Variants in ARL15 observed in about 807,000 individuals in gnomAD.
The protein encoded by ARL15 is ARF like GTPase 15, also known as ADP-ribosylation factor-like protein 15.
ARL15 carries 19 observed loss-of-function variants against 25.2 expected under a neutral mutation model. The observed-to-expected ratio is 0.75, with a 90% CI of 0.53 to 1.10. The LOEUF (loss-of-function observed/expected upper bound fraction) is 1.10. Ranked by LOEUF, ARL15 falls within the 50% of genes least tolerant of loss-of-function variation. The probability of loss-of-function intolerance (pLI) is 0.00; values close to 1 mark genes in which losing one functional copy is unlikely to be tolerated. For missense variants in ARL15, 220 were observed against 246.0 expected, an observed-to-expected ratio of 0.89 and a Z score of 0.71; for synonymous variants, 94 against 86.8, an observed-to-expected ratio of 1.08 and a Z score of -0.46.
chr5:54,257,850 T>G (rs1301512856), intron 1 of ARL15, among the ~76,000 whole-genome samples: 1 of 152,144 alleles, frequency 6.6e-6, no homozygotes, highest in Non-Finnish European at 1.5e-5. Flanking sequence ...TCTGCTTTCC[T>G]GTTGGTTTTT....
At chr5:54,261,782 G>GT (rs763412409) in intron 1 of ARL15, among the ~76,000 whole-genome samples, 23 of 152,074 alleles carry the variant, frequency 1.5e-4, no homozygotes, top group Non-Finnish European at 3.1e-4. Flanking sequence ...TGACCACACC[G>GT]TTTTTTCGGG....
chr5:54,013,531 A>G (rs189468424), intron 4 of ARL15, among the ~76,000 whole-genome samples: 2 of 152,342 alleles, frequency 1.3e-5, no homozygotes, highest in Admixed American at 6.5e-5. Context: ...CAAGATTAGA[A>G]TTATGGGAAG....
At chr5:54,019,533 C>T (rs769372521) in intron 4 of ARL15, among the ~76,000 whole-genome samples, 29 of 152,094 alleles carry the variant, frequency 1.9e-4, no homozygotes, top group Non-Finnish European at 3.5e-4. Flanking sequence ...TCATATTGAA[C>T]GACAGTTAAG....
chr5:54,124,136 G>A (rs1364181673), intron 3 of ARL15, among the ~76,000 whole-genome samples: 2 of 152,134 alleles, frequency 1.3e-5, no homozygotes, highest in Non-Finnish European at 1.5e-5. Flanking sequence ...CAGAGAATAG[G>A]CTACATGAGA....
intron 4 of ARL15, among the ~76,000 whole-genome samples, chr5:53,907,486 ATATTTTTTTTT>A (rs1263122321): frequency 1.7e-3 from 38 of 22,430 alleles, no homozygotes; most frequent in African/African-American, 8.0e-3. Flanking sequence ...ATATATATAT[ATATTTTTTTTT>A]TTTTTTTTTT....
At chr5:53,949,285 A>G (rs1034683039) in intron 4 of ARL15, among the ~76,000 whole-genome samples, 1 of 152,194 alleles carries the variant, frequency 6.6e-6, no homozygotes, top group East Asian at 1.9e-4. Flanking sequence ...CAATAGCTAG[A>G]GTATTCACAA....
chr5:54,036,404 A>C (rs1320414353), intron 4 of ARL15, among the ~76,000 whole-genome samples: 1 of 152,176 alleles, frequency 6.6e-6, no homozygotes, highest in Non-Finnish European at 1.5e-5. Flanking sequence ...AATCAGATTT[A>C]AAAGATATAG....
intron 4 of ARL15, among the ~76,000 whole-genome samples, chr5:53,936,037 C>T (rs554366204): frequency 7.2e-5 from 11 of 151,990 alleles, no homozygotes; most frequent in African/African-American, 2.2e-4. Flanking sequence ...GCGTGGCCAT[C>T]GTGCCCGGCC....
At chr5:54,192,264 TAA>T (rs572335482) in intron 1 of ARL15, among the ~76,000 whole-genome samples, 3 of 142,000 alleles carry the variant, frequency 2.1e-5, no homozygotes, top group Admixed American at 7.1e-5. Context: ...AAAGTATAAG[TAA>T]AAAAAAAAAA....
At position 54,306,466 on chromosome 5, in the gene ARL15, C is replaced by T. The variant is rs558006250; in HGVS notation, c.48+3966G>A. Among the ~76,000 whole-genome samples, 6 of 149,222 alleles carry T rather than the reference C, an allele frequency of 4.0e-5. No individual in the cohort carries two copies. The East Asian group carries it at 1.2e-3, about 30-fold the overall frequency. On this transcript the variant is annotated intron_variant, in intron 1 of 4. Transcript: ENST00000504924. ...GCTGGAGTGCAGTTGTGCGATCTCA[C>T]TGCAACCTCTGCCTCCTGGGTTCAA...
At chr5:53,923,728 G>C (rs1745927256) in intron 4 of ARL15, among the ~76,000 whole-genome samples, 1 of 152,100 alleles carries the variant, frequency 6.6e-6, no homozygotes, top group South Asian at 2.1e-4. Flanking sequence ...AGCCAGGCGT[G>C]GTGGCGGGCG....
intron 1 of ARL15, among the ~76,000 whole-genome samples, chr5:54,235,410 G>T (rs1200711595): frequency 6.6e-6 from 1 of 151,966 alleles, no homozygotes; most frequent in Non-Finnish European, 1.5e-5. Flanking sequence ...ATAACGGGTG[G>T]CATGATCTAA....
intron 4 of ARL15, among the ~76,000 whole-genome samples, chr5:54,069,018 T>C (rs140534654): frequency 1.4e-4 from 22 of 152,358 alleles, no homozygotes; most frequent in African/African-American, 4.3e-4. Flanking sequence ...CAAAATGTTA[T>C]ATTAACATAT....
At chr5:53,888,269 ATTTATTTT>A (rs896819836) in intron 4 of ARL15, among the ~76,000 whole-genome samples, 70 of 149,498 alleles carry the variant, frequency 4.7e-4, no homozygotes, top group African/African-American at 1.4e-3. Context: ...TGTTTTATTT[ATTTATTTT>A]TTTATTTTTA....
chr5:54,255,045 T>C (rs535023986), intron 1 of ARL15, among the ~76,000 whole-genome samples: 4 of 152,204 alleles, frequency 2.6e-5, no homozygotes, highest in African/African-American at 7.2e-5. Flanking sequence ...GCACAGAGTA[T>C]AGCTAACCAC....
chr5:53,966,020 A>C (rs1747549336), intron 4 of ARL15, among the ~76,000 whole-genome samples: 1 of 152,192 alleles, frequency 6.6e-6, no homozygotes, highest in Non-Finnish European at 1.5e-5. Flanking sequence ...CAATTTCTAA[A>C]ATCCTTGGAA....
At chr5:54,091,238 T>C (rs1357273934) in intron 4 of ARL15, among the ~76,000 whole-genome samples, 1 of 152,158 alleles carries the variant, frequency 6.6e-6, no homozygotes. Context: ...GCAATTAAAG[T>C]GTCAACACTC....
At chr5:54,195,275 T>C (rs1364738719) in intron 1 of ARL15, among the ~76,000 whole-genome samples, 2 of 152,146 alleles carry the variant, frequency 1.3e-5, no homozygotes, top group Non-Finnish European at 2.9e-5. Context: ...TCAGACATCA[T>C]CAATGAAAAT....
At chr5:53,913,124 C>G (rs1000857226) in intron 4 of ARL15, among the ~76,000 whole-genome samples, 1 of 151,998 alleles carries the variant, frequency 6.6e-6, no homozygotes, top group Non-Finnish European at 1.5e-5. Context: ...CAGAGTGAGA[C>G]CCCATCTCTA....
Sources: gnomAD v4.1 joint callset for allele counts (sites outside exome capture counted in the v4.1 genomes callset) on GRCh38, gnomAD v4.1.1 for gene constraint, MANE v1.5 for transcripts, NCBI Gene and HGNC (gene_info 2026-07-23, HGNC 2026-07-21) for gene names.